Variants in PSMA1 observed in about 807,000 individuals in gnomAD.
PSMA1 encodes proteasome subunit alpha type-1.
PSMA1 carries 3 observed loss-of-function variants against 38.4 expected under a neutral mutation model. The observed-to-expected ratio is 0.08, with a 90% CI of 0.04 to 0.20. PSMA1 has a LOEUF of 0.20. PSMA1 is among the 10% of genes least tolerant of loss of function. The pLI is 1.00. For synonymous variants in PSMA1, 101 were observed against 107.1 expected (o/e 0.94, Z 0.35); for missense variants, 227 against 325.3 (o/e 0.70, Z 2.32).
intron 8 of PSMA1, among the ~76,000 whole-genome samples, chr11:14,509,884 C>A (rs969080676): frequency 6.6e-6 from 1 of 151,900 alleles, no homozygotes; most frequent in Non-Finnish European, 1.5e-5. Flanking sequence ...CCACCAAGCC[C>A]GGCTAATTTT....
At chr11:14,529,843 CT>C (rs1851627069) in intron 2 of PSMA1, among the ~76,000 whole-genome samples, 1 of 152,176 alleles carries the variant, frequency 6.6e-6, no homozygotes, top group East Asian at 1.9e-4. Context: ...CTTTGTGAAC[CT>C]TTCTCGTAGC....
In PSMA1 at chr11:14,605,314, C is replaced by T. The variant is rs936767954; in HGVS notation, c.21+5652G>A. On this transcript the variant is annotated intron_variant, in intron 2 of 10. Coordinates refer to the PSMA1 transcript ENST00000418988. ...CTCTGAGGATAGCGATGTGGAGCAT[C>T]TTTTCATGTTTCCCAGCCACTTCTG... is the stretch of plus-strand genomic sequence containing the variant. 2.0e-5 allele frequency among the ~76,000 whole-genome samples: 3 copies of T among 152,112 alleles called. No individual in the cohort carries two copies. In the East Asian group the frequency reaches 5.8e-4, roughly 29 times the overall value.
intron 2 of PSMA1, among the ~76,000 whole-genome samples, chr11:14,588,062 T>TA (rs1852369904): frequency 6.6e-6 from 1 of 152,178 alleles, no homozygotes; most frequent in Non-Finnish European, 1.5e-5. Flanking sequence ...CTAATGAAAG[T>TA]AAGAGATGTG....
chr11:14,640,898 C>T (rs1170772189), intron 1 of PSMA1, among the ~76,000 whole-genome samples: 3 of 151,924 alleles, frequency 2.0e-5, no homozygotes, highest in African/African-American at 7.3e-5. Flanking sequence ...TGTGTCAGAC[C>T]ACTTTATCCT....
At chr11:14,586,354 C>T (rs1469535749) in intron 2 of PSMA1, among the ~76,000 whole-genome samples, 1 of 151,974 alleles carries the variant, frequency 6.6e-6, no homozygotes, top group East Asian at 1.9e-4. Flanking sequence ...ATCACTTGAA[C>T]CCGGGAGGCA....
In PSMA1 at chr11:14,514,449, G is replaced by A. The variant is rs754900146; in HGVS notation, c.297C>T (p.Phe99=). ...RQECLDSRFV[F]DRPLPVSRLV... ...GACGAGACACAGGCAGTGGTCTATC[G>A]AATACAAATCTGGAATCCAAACACT... Residue 99 remains phenylalanine (F), a synonymous_variant, in exon 5 of 10, where the codon TTC becomes TTT. Transcript: ENST00000396394. 2.2e-5 allele frequency: 35 copies of A among 1,604,990 alleles called. No homozygotes were observed. The East Asian group carries it at 2.2e-4, about 10-fold the overall frequency.
chr11:14,629,017 T>G (rs879745607), intron 1 of PSMA1, among the ~76,000 whole-genome samples: 1 of 151,304 alleles, frequency 6.6e-6, no homozygotes, highest in African/African-American at 2.4e-5. Flanking sequence ...TGGGGTTGTT[T>G]GTTTTTTTCT....
intron 2 of PSMA1, among the ~76,000 whole-genome samples, chr11:14,589,365 A>ATATGTGTG (rs1554971452): frequency 1.4e-5 from 2 of 147,578 alleles, no homozygotes; most frequent in African/African-American, 5.0e-5. Flanking sequence ...ATATATATAT[A>ATATGTGTG]TGTGTGTGTG....
intron 4 of PSMA1, among the ~76,000 whole-genome samples, chr11:14,515,890 T>G (rs1163870769): frequency 1.3e-5 from 2 of 151,786 alleles, no homozygotes; most frequent in Non-Finnish European, 2.9e-5. Context: ...ATTTACACTG[T>G]TTTTGCTGCT....
At chr11:14,615,927 C>G (rs182156233) in intron 1 of PSMA1, among the ~76,000 whole-genome samples, 4 of 152,190 alleles carry the variant, frequency 2.6e-5, no homozygotes, top group African/African-American at 9.6e-5. Context: ...CACGCAGAGG[C>G]CAGAGCAAGA....
chr11:14,511,906 A>C (rs1253975752), intron 7 of PSMA1, among the ~76,000 whole-genome samples: 1 of 152,270 alleles, frequency 6.6e-6, no homozygotes, highest in Non-Finnish European at 1.5e-5. Context: ...AAGTTCAGCA[A>C]GATTGCAGGA....
intron 2 of PSMA1, among the ~76,000 whole-genome samples, chr11:14,584,519 T>G (rs886185915): frequency 4.6e-5 from 7 of 150,932 alleles, no homozygotes; most frequent in Non-Finnish European, 8.9e-5. Context: ...TTTTTTTTTT[T>G]TTTTTTTTAA....
chr11:14,637,324 T>A (rs1159866622), intron 1 of PSMA1, among the ~76,000 whole-genome samples: 1 of 152,228 alleles, frequency 6.6e-6, no homozygotes, highest in Non-Finnish European at 1.5e-5. Context: ...ATACCTAGGT[T>A]AGTATCTCTT....
At chr11:14,553,146 C>T (rs1312159305) in intron 2 of PSMA1, among the ~76,000 whole-genome samples, 1 of 152,012 alleles carries the variant, frequency 6.6e-6, no homozygotes, top group East Asian at 1.9e-4. Context: ...TTATAAGATA[C>T]ATTTTTTTGG....
chr11:14,520,663 G>C (rs1851514605), upstream of PSMA1: 1 of 408,272 alleles, frequency 2.4e-6, no homozygotes, highest in Non-Finnish European at 4.4e-6. Flanking sequence ...ATCTAAAGTC[G>C]TCCGAGTCAA....
Position 14,517,901 on chromosome 11 carries a change from A to G in PSMA1, c.129T>C (p.His43=), listed in dbSNP as rs1851460823. ...SATVGLKSKT[H]AVLVALKRAQ... ...TTACTTTCAATGCAACCAAAACTGC[A>G]TGAGTTTTTGATTTCAGACCAACTG... Residue 43 remains histidine, a synonymous_variant, in exon 3 of 10, where the codon CAT becomes CAC. Coordinates refer to ENST00000396394, the MANE Select transcript of PSMA1 (RefSeq NM_002786.4). 3 of 1,607,274 alleles carry G rather than the reference A, an allele frequency of 1.9e-6. No individual in the cohort carries two copies. The highest frequency in any genetic ancestry group is 1.3e-5 in the African/African-American group (1 of 74,458).
At chr11:14,607,567 T>C (rs1195168968) in intron 2 of PSMA1, among the ~76,000 whole-genome samples, 1 of 152,162 alleles carries the variant, frequency 6.6e-6, no homozygotes, top group Admixed American at 6.5e-5. Context: ...TATTATATAG[T>C]ATGTAACTTT....
At chr11:14,611,621 G>A (rs949887600) in intron 1 of PSMA1, among the ~76,000 whole-genome samples, 10 of 152,030 alleles carry the variant, frequency 6.6e-5, no homozygotes, top group Admixed American at 3.9e-4. Context: ...ATATGGAACC[G>A]GCCTCTTGAC....
intron 1 of PSMA1, among the ~76,000 whole-genome samples, chr11:14,631,034 C>A (rs181019559): frequency 2.0e-3 from 305 of 152,042 alleles, no homozygotes; most frequent in African/African-American, 7.1e-3. Context: ...TTTTTTATTG[C>A]GTCTATTTGA....
Sources: gnomAD v4.1 joint callset for allele counts (sites outside exome capture counted in the v4.1 genomes callset) on GRCh38, gnomAD v4.1.1 for gene constraint, MANE v1.5 for transcripts, NCBI Gene and HGNC (gene_info 2026-07-23, HGNC 2026-07-21) for gene names.